The following NF2 variants were observed in gnomAD, a reference collection of about 807,000 sequenced individuals.
The protein encoded by NF2 is NF2, moesin-ezrin-radixin like (MERLIN) tumor suppressor.
NF2 carries 8 observed loss-of-function variants against 83.7 expected under a neutral mutation model. The observed-to-expected ratio is 0.10, with a 90% CI of 0.06 to 0.17. NF2 has a LOEUF of 0.17. Among genes scored for constraint, NF2 ranks in the 10% least tolerant of loss-of-function variants. NF2 has a pLI of 1.00. For synonymous variants in NF2, 266 were observed against 269.6 expected (o/e 0.99, Z 0.13); for missense variants, 533 against 744.4 (o/e 0.72, Z 3.31).
chr22:29,664,803 G>A (rs1286714944), intron 8 of NF2, among the ~76,000 whole-genome samples, 187 bp from the exon 9 acceptor site: 2 of 152,212 alleles, frequency 1.3e-5, no homozygotes, highest in African/African-American at 4.8e-5. Context: ...AGGGTCCTGA[G>A]CTTCCACAGC....
intron 1 of NF2, among the ~76,000 whole-genome samples, chr22:29,615,686 G>C (rs2065065297): frequency 6.6e-6 from 1 of 152,140 alleles, no homozygotes; most frequent in South Asian, 2.1e-4. Flanking sequence ...AGTTAGCTGT[G>C]ATTGTGGTGC....
At chr22:29,604,150 C>A in intron 1 of NF2, 38 bp downstream of exon 1, 2 of 1,507,856 alleles carry the variant, frequency 1.3e-6, no homozygotes, top group East Asian at 2.3e-5. Flanking sequence ...CGGTGACAGT[C>A]GAGGTGGAAG....
chr22:29,627,647 G>A (rs541782226), intron 1 of NF2, among the ~76,000 whole-genome samples: 5 of 152,224 alleles, frequency 3.3e-5, no homozygotes, highest in East Asian at 3.9e-4. Context: ...GGTTCCTCCC[G>A]CTCCCATAAC....
chr22:29,664,860 T>C, intron 8 of NF2, 130 bp from the exon 9 acceptor site: 1 of 746,630 alleles, frequency 1.3e-6, no homozygotes, highest in Non-Finnish European at 2.4e-6. Context: ...GCCTGGATAC[T>C]GGGAAGCCAG....
chr22:29,641,292 G>T (rs987119124), intron 3 of NF2, among the ~76,000 whole-genome samples: 1 of 152,138 alleles, frequency 6.6e-6, no homozygotes, highest in African/African-American at 2.4e-5. Flanking sequence ...AACCTAAGAA[G>T]AATTTTTGTG....
chr22:29,684,035 A>G (rs1271749939), intron 15 of NF2: 2 of 534,302 alleles, frequency 3.7e-6, no homozygotes, highest in African/African-American at 4.1e-5. Flanking sequence ...GAATAAGCTC[A>G]TTGGAACCTT....
chr22:29,653,917 A>T (rs748635599), intron 4 of NF2, among the ~76,000 whole-genome samples: 12 of 152,280 alleles, frequency 7.9e-5, no homozygotes, highest in Non-Finnish European at 1.3e-4. Flanking sequence ...TGTATGTTTC[A>T]GTTAGTTTCT....
rs1356086924 is a variant in NF2, at chr22:29,678,641, C to T, written c.1574+318C>T. Among the ~76,000 whole-genome samples the T allele has an allele frequency of 2.0e-5, 3 of 152,162 alleles. No homozygotes were observed. In the East Asian group the frequency reaches 5.8e-4, roughly 29 times the overall value. On this transcript the variant is annotated intron_variant, in intron 14 of 15. Transcript: ENST00000338641. ...GACTGGGTTGTTAGCATCTCTGAGT[C>T]AGTTCAACTGCTGTTATACTACTGG...
At chr22:29,666,977 CA>C (rs199715954) in intron 9 of NF2, among the ~76,000 whole-genome samples, 7 of 145,370 alleles carry the variant, frequency 4.8e-5, no homozygotes, top group Admixed American at 6.8e-5. Context: ...ACTTCGTCTC[CA>C]AAAAAAAAAT....
intron 9 of NF2, among the ~76,000 whole-genome samples, chr22:29,666,948 C>A (rs2066641446): frequency 6.6e-6 from 1 of 151,978 alleles, no homozygotes; most frequent in Non-Finnish European, 1.5e-5. Flanking sequence ...TGCACTCCAG[C>A]CTGGGCAACA....
intron 8 of NF2, among the ~76,000 whole-genome samples, chr22:29,663,196 C>T (rs1209891415): frequency 2.0e-5 from 3 of 152,144 alleles, no homozygotes; most frequent in East Asian, 1.9e-4. Context: ...TGTGTGCCAC[C>T]GTATGGTAGT....
chr22:29,617,305 C>G (rs2065105796), intron 1 of NF2, among the ~76,000 whole-genome samples: 1 of 152,140 alleles, frequency 6.6e-6, no homozygotes, highest in South Asian at 2.1e-4. Context: ...TAAGTAGATT[C>G]CAGACCCAAA....
chr22:29,631,920 A>T (rs1601569815), intron 1 of NF2, among the ~76,000 whole-genome samples: 1 of 152,200 alleles, frequency 6.6e-6, no homozygotes, highest in East Asian at 1.9e-4. Context: ...ACCATCACTT[A>T]TCTATATTCC....
At chr22:29,655,712 T>TG (rs2146974681) in intron 6 of NF2, 36 bp downstream of exon 6, 1 of 1,487,832 alleles carries the variant, frequency 6.7e-7, no homozygotes, top group Non-Finnish European at 9.3e-7. Flanking sequence ...CATTCCTTTA[T>TG]GGGCTTTTTT....
rs1601578848 is a variant in NF2, at chr22:29,636,762, A to G, written c.126A>G (p.Lys42=). Reference sequence around the variant, plus strand: ...GTTTGTTATTGCAGATGAAGTGGAAAGGGAAGGACCTCTTTGATTTGGTGT... The same window carrying G: ...GTTTGTTATTGCAGATGAAGTGGAAGGGGAAGGACCTCTTTGATTTGGTGT... ...EMEFNCEMKW[K]GKDLFDLVCR... is the part of the protein sequence containing the mutation. The change falls in exon 2 of 16, where the codon AAA becomes AAG. Residue 42 remains lysine, a synonymous_variant. Coordinates refer to ENST00000338641, the MANE Select transcript of NF2 (RefSeq NM_000268.4). This position sits in a 1 kb window ranked among gnomAD's most constrained non-coding sequence, Gnocchi z 4.4. The G allele has an allele frequency of 6.2e-7, 1 of 1,614,184 alleles. No individual in the cohort carries two copies. The highest frequency in any genetic ancestry group is 8.5e-7 in the Non-Finnish European group (1 of 1,180,042).
At chr22:29,642,332 G>T (rs2065833227) in intron 4 of NF2, 47 bp downstream of exon 4, 2 of 1,480,054 alleles carry the variant, frequency 1.4e-6, no homozygotes, top group Non-Finnish European at 1.9e-6. Context: ...GTTAATTTGG[G>T]TCATGGGATC....
chr22:29,608,172 C>CAAAAA (rs570144418), intron 1 of NF2, among the ~76,000 whole-genome samples: 6 of 31,710 alleles, frequency 1.9e-4, no homozygotes, highest in African/African-American at 2.9e-4. Context: ...GACTCTGTCT[C>CAAAAA]AAAAAAAAAA....
In NF2 at chr22:29,603,740, G is replaced by A; in HGVS notation, c.-259G>A. Reference sequence around the variant, plus strand: ...CTCCGGCCCGAATCCCGGAGTGCCGGGTCGCGCCTGCACCGAAGGTCCCGG... The same window carrying A: ...CTCCGGCCCGAATCCCGGAGTGCCGAGTCGCGCCTGCACCGAAGGTCCCGG... On this transcript the variant is annotated 5_prime_UTR_variant, in exon 1 of 16. Coordinates refer to ENST00000338641, the MANE Select transcript of NF2 (RefSeq NM_000268.4). 1 of 465,590 alleles carries A rather than the reference G, an allele frequency of 2.1e-6. No individual in the cohort carries two copies. The allele number at this position is 465,590 out of a possible 1,614,324, so 28.8% of individuals were successfully genotyped here. A position where few individuals can be genotyped will look rare whatever the true frequency, so the allele number is the denominator to read the frequency against.
rs2064705611 is a variant in NF2, at chr22:29,603,825, C to A, written c.-174C>A. On this transcript the variant is annotated 5_prime_UTR_variant, in exon 1 of 16. Transcript: ENST00000338641. ...CCCCCAACTCCCCTTTCCGCTCAGG[C>A]AGGGTCCTCGCGGCCCATGCTGGCC... The A allele has an allele frequency of 5.1e-6, 3 of 591,062 alleles. No homozygotes were observed. The highest frequency in any genetic ancestry group is 9.0e-6 in the Non-Finnish European group (3 of 335,120). The allele number at this position is 591,062 out of a possible 1,614,324, so 36.6% of individuals were successfully genotyped here.
Sources: allele counts gnomAD v4.1 joint callset (sites outside exome capture counted in the v4.1 genomes callset), GRCh38; gene constraint gnomAD v4.1.1; non-coding constraint Gnocchi (gnomAD v3.1); transcripts MANE v1.5; gene names NCBI Gene and HGNC (gene_info 2026-07-23, HGNC 2026-07-21).